The following SNX7 variants were observed in gnomAD, a reference collection of about 807,000 sequenced individuals.
The protein encoded by SNX7 is sorting nexin-7.
Under a neutral mutation model 48.4 loss-of-function variants are expected in SNX7, and 35 were observed. The ratio of observed to expected loss-of-function variants is 0.72; its 90% CI spans 0.55 to 0.96. The LOEUF is 0.96. Among genes scored for constraint, SNX7 ranks in the 40% least tolerant of loss-of-function variants. SNX7 has a pLI of 0.00. For synonymous variants in SNX7, 190 were observed against 190.2 expected (o/e 1.00, Z 0.01); for missense variants, 553 against 548.9 (o/e 1.01, Z -0.07).
intron 1 of SNX7, among the ~76,000 whole-genome samples, chr1:98,681,451 G>A (rs1400550287): frequency 3.9e-5 from 6 of 152,172 alleles, no homozygotes; most frequent in Non-Finnish European, 7.4e-5. Context: ...TAAAGCAGTA[G>A]AAGAATGAAA....
chr1:98,754,138 A>C (rs1421565404), intron 8 of SNX7, among the ~76,000 whole-genome samples: 1 of 152,012 alleles, frequency 6.6e-6, no homozygotes, highest in Non-Finnish European at 1.5e-5. Context: ...TTGTCTGTTG[A>C]GATAATATTG....
At chr1:98,662,454 A>C (rs577508040) in intron 1 of SNX7, 3 of 303,684 alleles carry the variant, frequency 9.9e-6, no homozygotes, top group Non-Finnish European at 1.9e-5. Context: ...TGTTTCTAAC[A>C]GGAAGCTCCT....
intron 1 of SNX7, among the ~76,000 whole-genome samples, chr1:98,668,847 T>C (rs1353594425): frequency 6.6e-6 from 1 of 152,184 alleles, no homozygotes; most frequent in Non-Finnish European, 1.5e-5. Flanking sequence ...GTTTCCAAAA[T>C]GAAAGGGATT....
chr1:98,741,894 A>G (rs542244602), intron 8 of SNX7, among the ~76,000 whole-genome samples: 3 of 152,260 alleles, frequency 2.0e-5, no homozygotes, highest in Non-Finnish European at 4.4e-5. Context: ...CTTTATTTTA[A>G]TATCATTGAA....
At chr1:98,707,261 T>G (rs1652059424) in intron 7 of SNX7, among the ~76,000 whole-genome samples, 2 of 152,278 alleles carry the variant, frequency 1.3e-5, no homozygotes, top group East Asian at 3.9e-4. Flanking sequence ...TCCAACTTTT[T>G]AAACCATTTC....
chr1:98,711,854 G>C (rs1191646538), intron 7 of SNX7, among the ~76,000 whole-genome samples: 1 of 152,146 alleles, frequency 6.6e-6, no homozygotes, highest in Non-Finnish European at 1.5e-5. Context: ...TTTTGAAATT[G>C]GAGCCAATCC....
chr1:98,702,776 T>C (rs1181431116), intron 7 of SNX7, among the ~76,000 whole-genome samples: 1 of 151,942 alleles, frequency 6.6e-6, no homozygotes, highest in Non-Finnish European at 1.5e-5. Context: ...GTGGGAAAAA[T>C]GGACTTTTAA....
intron 8 of SNX7, among the ~76,000 whole-genome samples, chr1:98,750,581 G>A (rs996640733): frequency 6.6e-6 from 1 of 152,048 alleles, no homozygotes; most frequent in African/African-American, 2.4e-5. Flanking sequence ...TGCTCATCAG[G>A]TATTTCCAGG....
chr1:98,736,364 C>T (rs1030916229), intron 7 of SNX7, among the ~76,000 whole-genome samples: 14 of 152,140 alleles, frequency 9.2e-5, no homozygotes, highest in Admixed American at 7.2e-4. Context: ...TCCAACAATC[C>T]AGAGGAGGCT....
chr1:98,692,016 A>T (rs1333705344), intron 4 of SNX7, among the ~76,000 whole-genome samples: 1 of 151,706 alleles, frequency 6.6e-6, no homozygotes, highest in Non-Finnish European at 1.5e-5. Flanking sequence ...AATACTGAAC[A>T]GGTATAAATA....
At chr1:98,670,599 A>G (rs1349674500) in intron 1 of SNX7, among the ~76,000 whole-genome samples, 1 of 152,176 alleles carries the variant, frequency 6.6e-6, no homozygotes, top group Non-Finnish European at 1.5e-5. Context: ...TAACAGTAAC[A>G]TGTACAGGTT....
intron 7 of SNX7, among the ~76,000 whole-genome samples, chr1:98,730,772 A>G (rs926371680): frequency 1.3e-5 from 2 of 152,114 alleles, no homozygotes; most frequent in African/African-American, 2.4e-5. Flanking sequence ...AATGCAAAAA[A>G]CATTCCATAC....
chr1:98,726,670 A>C (rs1324867026), intron 7 of SNX7, among the ~76,000 whole-genome samples: 1 of 151,900 alleles, frequency 6.6e-6, no homozygotes, highest in African/African-American at 2.4e-5. Flanking sequence ...TTTTTTTTGG[A>C]TCTAGATTGT....
In SNX7 at chr1:98,666,306, G is replaced by C. The variant is rs1383416683; in HGVS notation, c.180+4395G>C. On this transcript the variant is annotated intron_variant, in intron 1 of 8. Coordinates refer to ENST00000306121, the MANE Select transcript of SNX7 (RefSeq NM_015976.5). ...AGCATCCCTAGCTTTAAAGGGACAA[G>C]AAATGGAAATAGCATTGCTGGAAAC... Among the ~76,000 whole-genome samples the C allele has an allele frequency of 2.6e-5, 4 of 152,342 alleles. No individual in the cohort carries two copies. The East Asian group carries it at 7.7e-4, about 29-fold the overall frequency.
Position 98,698,783 on chromosome 1 carries a change from C to G in SNX7, c.916C>G (p.Leu306Val), listed in dbSNP as rs1161211620. The G allele has an allele frequency of 1.2e-6, 2 of 1,613,262 alleles. No individual in the cohort carries two copies. Among genetic ancestry groups the G allele is most frequent in the Admixed American group, 3.3e-5 (2 of 59,936 alleles). The change falls in exon 6 of 9, where the codon CTA (leucine) becomes GTA (valine). Residue 306 changes from leucine to valine, a missense_variant. Physicochemically the swap from Leu to Val is conservative, Grantham distance 32 (BLOSUM62 1). Coordinates refer to ENST00000306121, the MANE Select transcript of SNX7 (RefSeq NM_015976.5). ...SASEEDLVDT[L>V]KDVASCIDRC... ...GTCAGAAGAGGATCTGGTTGATACT[C>G]TAAAGGATGTTGCCAGCTGCATTGA...
intron 7 of SNX7, among the ~76,000 whole-genome samples, chr1:98,711,004 CATT>C (rs1024750301): frequency 8.9e-4 from 136 of 152,122 alleles, no homozygotes; most frequent in African/African-American, 3.1e-3. Flanking sequence ...TGTTATAAAA[CATT>C]ATTTAAAGTA....
intron 7 of SNX7, among the ~76,000 whole-genome samples, chr1:98,722,407 GT>G (rs1193496758): frequency 6.6e-6 from 1 of 152,074 alleles, no homozygotes; most frequent in African/African-American, 2.4e-5. Flanking sequence ...CAGTTTTATT[GT>G]TAAGAGCCCT....
intron 7 of SNX7, among the ~76,000 whole-genome samples, chr1:98,733,155 A>C (rs760831092): frequency 3.9e-5 from 6 of 152,092 alleles, no homozygotes; most frequent in Non-Finnish European, 8.8e-5. Flanking sequence ...AGTGTCCCTC[A>C]CTTTGCGATA....
At chr1:98,739,410 A>C (rs1252358621) in intron 8 of SNX7, among the ~76,000 whole-genome samples, 1 of 152,194 alleles carries the variant, frequency 6.6e-6, no homozygotes. Flanking sequence ...ATATATCTTG[A>C]AAGATTAACT....
Sources: gnomAD v4.1 joint callset for allele counts (sites outside exome capture counted in the v4.1 genomes callset) on GRCh38, gnomAD v4.1.1 for gene constraint, MANE v1.5 for transcripts, NCBI Gene and HGNC (gene_info 2026-07-23, HGNC 2026-07-21) for gene names.